PTPRG: variants seen among roughly 807,000 people sequenced by gnomAD.
PTPRG encodes protein tyrosine phosphatase receptor type G.
In PTPRG, 102 loss-of-function variants were observed where a neutral mutation model predicts 165.3. The observed-to-expected ratio is 0.62, with a 90% CI of 0.53 to 0.73. PTPRG has a LOEUF of 0.73. Ranked by LOEUF, PTPRG falls within the 30% of genes least tolerant of loss-of-function variation. The pLI, the probability that PTPRG is intolerant of heterozygous loss-of-function variation, is 0.00. For synonymous variants in PTPRG, 675 were observed against 669.5 expected (o/e 1.01, Z -0.13); for missense variants, 1,866 against 1,861.4 (o/e 1.00, Z -0.05).
chr3:61,812,776 T>A (rs1324059883), intron 2 of PTPRG, among the ~76,000 whole-genome samples: 1 of 152,216 alleles, frequency 6.6e-6, no homozygotes, highest in African/African-American at 2.4e-5. Context: ...CAGATAATTC[T>A]CTGATGCAGT....
chr3:61,932,139 C>T (rs2107585353), intron 2 of PTPRG, among the ~76,000 whole-genome samples: 1 of 152,276 alleles, frequency 6.6e-6, no homozygotes, highest in Middle Eastern at 3.4e-3. Context: ...ATATATCTAC[C>T]ACTAAGTGTG....
At chr3:62,259,899 G>T (rs1447635319) in intron 16 of PTPRG, among the ~76,000 whole-genome samples, 1 of 152,146 alleles carries the variant, frequency 6.6e-6, no homozygotes, top group Non-Finnish European at 1.5e-5. Context: ...TATTGTCTGG[G>T]ATTGGGAAGG....
chr3:62,160,002 C>T (rs1704686801), intron 7 of PTPRG, among the ~76,000 whole-genome samples: 1 of 152,248 alleles, frequency 6.6e-6, no homozygotes, highest in South Asian at 2.1e-4. Context: ...ATGTTCATTT[C>T]AGAAAGGCGA....
chr3:62,271,249 G>T lies in PTPRG; in HGVS notation c.3010-134G>T. On this transcript the variant is annotated intron_variant, in intron 20 of 29. Transcript: ENST00000474889. The surrounding 1 kb of genome is among the most constrained non-coding windows in gnomAD (Gnocchi z 4.1). ...AATGGCATGAAAGTTGGCTACAAGGGGGAATAACCTAGCCTGGGAACAGTG... is the reference window on the plus strand; with the variant it reads ...AATGGCATGAAAGTTGGCTACAAGGTGGAATAACCTAGCCTGGGAACAGTG... 1.4e-6 allele frequency: 1 copy of T among 695,838 alleles called. No homozygotes were observed. The highest frequency in any genetic ancestry group is 2.3e-6 in the Non-Finnish European group (1 of 438,318). 43.1% of individuals were successfully genotyped at this position (695,838 alleles called of 1,614,324 possible).
intron 2 of PTPRG, among the ~76,000 whole-genome samples, chr3:61,962,310 C>T (rs1266121747): frequency 6.6e-6 from 1 of 152,112 alleles, no homozygotes; most frequent in Non-Finnish European, 1.5e-5. Context: ...ATCAATTTTT[C>T]TTAATTATGC....
chr3:62,209,968 C>T (rs1700319286), intron 12 of PTPRG, among the ~76,000 whole-genome samples: 1 of 152,182 alleles, frequency 6.6e-6, no homozygotes, highest in African/African-American at 2.4e-5. Context: ...CGTACTATTG[C>T]AACCAACTGT....
At chr3:61,829,087 T>A (rs2036194946) in intron 2 of PTPRG, among the ~76,000 whole-genome samples, 1 of 152,164 alleles carries the variant, frequency 6.6e-6, no homozygotes, top group South Asian at 2.1e-4. Flanking sequence ...AGTACGTGCC[T>A]ATGAGTGAGA....
At chr3:61,998,955 A>T (rs541215306) in intron 3 of PTPRG, among the ~76,000 whole-genome samples, 85 of 152,332 alleles carry the variant, frequency 5.6e-4, no homozygotes, top group African/African-American at 2.0e-3. Flanking sequence ...AGGCACCAGC[A>T]GATTCAGTAT....
At chr3:61,910,025 C>G (rs2038760733) in intron 2 of PTPRG, among the ~76,000 whole-genome samples, 1 of 152,080 alleles carries the variant, frequency 6.6e-6, no homozygotes, top group Non-Finnish European at 1.5e-5. Flanking sequence ...CACTCATATT[C>G]CATTCTTTTT....
chr3:61,764,514 G>A (rs1559599416), intron 2 of PTPRG, among the ~76,000 whole-genome samples: 1 of 152,190 alleles, frequency 6.6e-6, no homozygotes, highest in Non-Finnish European at 1.5e-5. Flanking sequence ...GAAATAAAGT[G>A]TAAAGTGAGG....
At chr3:62,014,639 A>G (rs543365820) in intron 4 of PTPRG, among the ~76,000 whole-genome samples, 1 of 152,216 alleles carries the variant, frequency 6.6e-6, no homozygotes, top group Admixed American at 6.5e-5. Flanking sequence ...ATTAGGGAAG[A>G]CTTGGAGTGA....
intron 2 of PTPRG, among the ~76,000 whole-genome samples, chr3:61,909,788 G>A (rs1026801999): frequency 1.3e-5 from 2 of 152,258 alleles, no homozygotes; most frequent in South Asian, 2.1e-4. Context: ...TAGAGAAATC[G>A]AATTGCTAAT....
intron 1 of PTPRG, among the ~76,000 whole-genome samples, chr3:61,571,047 G>A (rs1700042684): frequency 6.6e-6 from 1 of 151,992 alleles, no homozygotes; most frequent in Non-Finnish European, 1.5e-5. Flanking sequence ...CATTTACCTT[G>A]GGCAAATGGG....
At chr3:62,179,239 G>A (rs1261939857) in intron 8 of PTPRG, among the ~76,000 whole-genome samples, 1 of 152,174 alleles carries the variant, frequency 6.6e-6, no homozygotes, top group African/African-American at 2.4e-5. Flanking sequence ...CCCATGTGGT[G>A]TCCTCTTGAG....
At chr3:62,056,355 A>G (rs953233325) in intron 4 of PTPRG, among the ~76,000 whole-genome samples, 9 of 152,232 alleles carry the variant, frequency 5.9e-5, no homozygotes, top group African/African-American at 2.2e-4. Context: ...GACCACATGT[A>G]GCCCATGAGG....
At chr3:62,045,932 A>T (rs780933097) in intron 4 of PTPRG, among the ~76,000 whole-genome samples, 1 of 152,234 alleles carries the variant, frequency 6.6e-6, no homozygotes, top group Non-Finnish European at 1.5e-5. Flanking sequence ...TTCAGCCAGG[A>T]TGTCTCAATG....
chr3:62,056,962 ATGCATGCTGTC>A (rs1427253926), intron 4 of PTPRG, among the ~76,000 whole-genome samples: 1 of 152,186 alleles, frequency 6.6e-6, no homozygotes, highest in African/African-American at 2.4e-5. Flanking sequence ...AAAGCGCATT[ATGCATGCTGTC>A]TGCATAACTT....
chr3:62,044,613 A>T (rs1419947464), intron 4 of PTPRG, among the ~76,000 whole-genome samples: 1 of 152,200 alleles, frequency 6.6e-6, no homozygotes, highest in African/African-American at 2.4e-5. Context: ...GAGCTATTGT[A>T]TTTAAAGCAT....
At chr3:62,062,240 T>A (rs1700841269) in intron 4 of PTPRG, among the ~76,000 whole-genome samples, 2 of 152,090 alleles carry the variant, frequency 1.3e-5, no homozygotes, top group African/African-American at 2.4e-5. Context: ...TGGAGGTTGC[T>A]GTGAGCCGAG....
Sources: allele counts gnomAD v4.1 joint callset (sites outside exome capture counted in the v4.1 genomes callset), GRCh38; gene constraint gnomAD v4.1.1; non-coding constraint Gnocchi (gnomAD v3.1); transcripts MANE v1.5; gene names NCBI Gene and HGNC (gene_info 2026-07-23, HGNC 2026-07-21).